PCNT: variants seen among roughly 807,000 people sequenced by gnomAD.
PCNT encodes pericentrin.
In PCNT, 319 loss-of-function variants were observed where a neutral mutation model predicts 380.4. The observed-to-expected ratio is 0.84, with a 90% CI of 0.77 to 0.92. PCNT has a LOEUF of 0.92. PCNT is among the 40% of genes least tolerant of loss of function. PCNT has a pLI of 0.00. For missense variants in PCNT, 4,400 were observed against 4,255.3 expected (o/e 1.03, Z -0.95); for synonymous variants, 1,845 against 1,735.2 (o/e 1.06, Z -1.57).
At chr21:46,391,551 C>T (rs2086034638) in intron 21 of PCNT, among the ~76,000 whole-genome samples, 175 bp downstream of exon 21, 1 of 152,208 alleles carries the variant, frequency 6.6e-6, no homozygotes, top group African/African-American at 2.4e-5. Flanking sequence ...GTGAGGCATC[C>T]ACTGGCTTTG....
intron 1 of PCNT, chr21:46,325,147 G>C (rs547642956): frequency 1.1e-5 from 11 of 985,588 alleles, no homozygotes; most frequent in African/African-American, 1.7e-5. Context: ...ATGACTCGGG[G>C]GCAGGAGAAA....
At chr21:46,351,313 G>T in intron 8 of PCNT, 116 bp from the exon 9 acceptor site, 1 of 754,654 alleles carries the variant, frequency 1.3e-6, no homozygotes. Context: ...TGCAGGTTTG[G>T]GATGTGAGCT....
intron 27 of PCNT, among the ~76,000 whole-genome samples, chr21:46,407,340 C>CTTTTTTTTTTTTTTTTTTTTTT (rs899881614): frequency 9.4e-6 from 1 of 106,434 alleles, no homozygotes; most frequent in Non-Finnish European, 1.8e-5. Flanking sequence ...TATACTTTCT[C>CTTTTTTTTTTTTTTTTTTTTTT]TTTTTTTTTT....
intron 41 of PCNT, among the ~76,000 whole-genome samples, chr21:46,439,015 C>A (rs903095559): frequency 6.6e-6 from 1 of 152,014 alleles, no homozygotes; most frequent in Non-Finnish European, 1.5e-5. Flanking sequence ...ATAGAGTTAT[C>A]TTCCGGAATG....
In PCNT at chr21:46,441,541, C is replaced by T. The variant is rs559454655; in HGVS notation, c.9623+457C>T. Among the ~76,000 whole-genome samples, 69 of 152,230 alleles carry T rather than the reference C, an allele frequency of 4.5e-4. 2 individuals are homozygous for T. The South Asian group carries it at 7.3e-3, about 16-fold the overall frequency. On this transcript the variant is annotated intron_variant, in intron 43 of 46. Transcript: ENST00000359568. The stretch of plus-strand genomic sequence containing the variant: ...CCAGGTGCCGAGCCAGTTCAGTCAT[C>T]GCGGCTGCAGGCTGGGCCAAAGTGG...
chr21:46,347,870 C>T (rs371265268), intron 6 of PCNT, among the ~76,000 whole-genome samples: 10 of 152,046 alleles, frequency 6.6e-5, no homozygotes, highest in African/African-American at 1.9e-4. Flanking sequence ...GCTGGGGTGC[C>T]GGGGAGAATA....
At chr21:46,349,951 C>A in intron 8 of PCNT, 131 bp downstream of exon 8, 1 of 906,610 alleles carries the variant, frequency 1.1e-6, no homozygotes, top group Non-Finnish European at 1.8e-6. Flanking sequence ...TGGCTGGGAA[C>A]AGTGGTTCAC....
At chr21:46,335,462 G>A (rs531081769) in intron 3 of PCNT, among the ~76,000 whole-genome samples, 6 of 152,098 alleles carry the variant, frequency 3.9e-5, no homozygotes, top group South Asian at 2.1e-4. Flanking sequence ...TTGGGAGGCC[G>A]AGGTGGGCGG....
chr21:46,444,554 C>A, intron 45 of PCNT, 140 bp from the exon 46 acceptor site: 1 of 820,214 alleles, frequency 1.2e-6, no homozygotes, highest in Non-Finnish European at 2.0e-6. Context: ...AAGGAAACGG[C>A]CCCAGAGTCA....
chr21:46,424,505 C>T (rs1006519033), intron 32 of PCNT, among the ~76,000 whole-genome samples: 4 of 152,258 alleles, frequency 2.6e-5, no homozygotes, highest in South Asian at 2.1e-4. Context: ...GCAAGGGCCC[C>T]GTGTCACCTG....
Position 46,353,136 on chromosome 21 carries a change from CG to C in PCNT, c.1490del (p.Arg497LeufsTer5), listed in dbSNP as rs1569185704. 1 of 1,614,006 alleles carries C rather than the reference CG, an allele frequency of 6.2e-7. No individual in the cohort carries two copies. Among genetic ancestry groups the C allele is most frequent in the South Asian group, 1.1e-5 (1 of 91,068 alleles). ...LHEQLLARTS[R>X]VEDLEQLKQR... ...TGAGCAACTCCTGGCGCGCACCTCT[CG>C]TGTGGAAGATTTAGAACAGCTGAAG... On this transcript the variant is annotated frameshift_variant, in exon 10 of 47. Coordinates refer to ENST00000359568, the MANE Select transcript of PCNT (RefSeq NM_006031.6). LOFTEE classifies it high-confidence loss of function.
intron 27 of PCNT, among the ~76,000 whole-genome samples, chr21:46,405,652 C>T (rs1203180348): frequency 6.6e-6 from 1 of 151,992 alleles, no homozygotes; most frequent in African/African-American, 2.4e-5. Context: ...GCCGAGATTG[C>T]GCCACTGCAC....
intron 38 of PCNT, among the ~76,000 whole-genome samples, chr21:46,432,860 A>G (rs2087828171): frequency 6.6e-6 from 1 of 152,134 alleles, no homozygotes; most frequent in African/African-American, 2.4e-5. Flanking sequence ...ACCTCAGGTG[A>G]TCCGCCCGCC....
intron 38 of PCNT, among the ~76,000 whole-genome samples, chr21:46,432,932 C>T (rs1601192638): frequency 6.6e-6 from 1 of 152,134 alleles, no homozygotes; most frequent in East Asian, 1.9e-4. Context: ...TTTACTTAGG[C>T]CTTCTTTAGT....
chr21:46,437,106 C>T (rs1432401757), intron 40 of PCNT, 25 bp downstream of exon 40: 3 of 1,525,826 alleles, frequency 2.0e-6, no homozygotes, highest in Non-Finnish European at 2.7e-6. Context: ...CCCCCAGGTC[C>T]CTGGCCTGGC....
At chr21:46,356,151 G>A (rs1188742668) in intron 12 of PCNT, among the ~76,000 whole-genome samples, 2 of 152,238 alleles carry the variant, frequency 1.3e-5, no homozygotes, top group Non-Finnish European at 2.9e-5. Flanking sequence ...CCACTGACGG[G>A]TTCCAGGAGG....
chr21:46,332,701 G>GCT (rs1000666184), intron 2 of PCNT, among the ~76,000 whole-genome samples: 4 of 152,152 alleles, frequency 2.6e-5, no homozygotes, highest in Admixed American at 6.5e-5. Context: ...GGCCATGGGT[G>GCT]CTCTCTCTCT....
intron 5 of PCNT, 56 bp from the exon 6 acceptor site, chr21:46,347,401 G>A: frequency 6.3e-7 from 1 of 1,577,332 alleles, no homozygotes. Context: ...TGGGCAGTTG[G>A]GTCACTGAAA....
At chr21:46,430,898 C>A (rs2087731842) in intron 37 of PCNT, 15 of 985,412 alleles carry the variant, frequency 1.5e-5, no homozygotes, top group East Asian at 1.1e-4. Flanking sequence ...TCGGAGCCCC[C>A]CCCCGTCCCT....
Sources: allele counts gnomAD v4.1 joint callset (sites outside exome capture counted in the v4.1 genomes callset), GRCh38; gene constraint gnomAD v4.1.1; transcripts MANE v1.5; gene names NCBI Gene and HGNC (gene_info 2026-07-23, HGNC 2026-07-21).